The following ATP6V0D2 variants were observed in gnomAD, a reference collection of about 807,000 sequenced individuals.
The protein encoded by ATP6V0D2 is ATPase H+ transporting V0 subunit d2.
A neutral mutation model predicts 40.0 loss-of-function variants in ATP6V0D2; 40 were observed. The observed-to-expected ratio is 1.00, with a 90% CI of 0.78 to 1.30. ATP6V0D2 has a LOEUF of 1.30. ATP6V0D2 is among the 50% of genes most tolerant of loss of function. The pLI is 0.00. For synonymous variants in ATP6V0D2, 179 were observed against 156.3 expected (o/e 1.15, Z -1.08); for missense variants, 470 against 423.1 (o/e 1.11, Z -0.97).
At chr8:86,121,607 G>GGAGGAGGAGGAGGAT (rs1485724210) in intron 2 of ATP6V0D2, among the ~76,000 whole-genome samples, 1 of 105,526 alleles carries the variant, frequency 9.5e-6, no homozygotes, top group African/African-American at 3.0e-5. Context: ...AGGAGGAGGA[G>GGAGGAGGAGGAGGAT]GAGGAGGAGG....
chr8:86,132,216 A>C (rs2626321), intron 2 of ATP6V0D2, among the ~76,000 whole-genome samples: 129,161 of 152,058 alleles, frequency 0.85, 54,998 homozygotes, highest in Middle Eastern at 0.88. Flanking sequence ...TTAATTGATA[A>C]ATAACATTTT....
intron 2 of ATP6V0D2, among the ~76,000 whole-genome samples, chr8:86,129,994 A>AAAG (rs1818800167): frequency 6.6e-6 from 1 of 150,916 alleles, no homozygotes; most frequent in Non-Finnish European, 1.5e-5. Context: ...AAAAAAAAAA[A>AAAG]AAAAGAAAAG....
At chr8:86,121,120 G>A (rs10098503) in intron 2 of ATP6V0D2, among the ~76,000 whole-genome samples, 4,128 of 152,218 alleles carry the variant, frequency 0.027, 184 homozygotes, top group African/African-American at 0.093. Flanking sequence ...TATACAGATA[G>A]CATTATCTCC....
chr8:86,120,608 CCA>C (rs1294762979), intron 2 of ATP6V0D2, among the ~76,000 whole-genome samples: 1 of 151,962 alleles, frequency 6.6e-6, no homozygotes, highest in Admixed American at 6.6e-5. Flanking sequence ...CTTCCATTAG[CCA>C]CAGTCTCCAA....
At chr8:86,123,395 C>T (rs1818698357) in intron 2 of ATP6V0D2, among the ~76,000 whole-genome samples, 1 of 152,016 alleles carries the variant, frequency 6.6e-6, no homozygotes. Context: ...TTTTTAACTC[C>T]TGCTTCGCAA....
At chr8:86,109,252 G>C (rs1244930192) in intron 1 of ATP6V0D2, among the ~76,000 whole-genome samples, 1 of 152,128 alleles carries the variant, frequency 6.6e-6, no homozygotes, top group Admixed American at 6.5e-5. Context: ...TTACCATAAA[G>C]TCTTATTACT....
intron 2 of ATP6V0D2, among the ~76,000 whole-genome samples, chr8:86,135,463 A>G (rs1418475793): frequency 1.3e-5 from 2 of 152,186 alleles, no homozygotes; most frequent in Admixed American, 1.3e-4. Flanking sequence ...TTAGGGACCC[A>G]ACTCTGCTGC....
rs191566080 is a variant in ATP6V0D2 at position 86,102,864 on chromosome 8, A to C, written c.130+3756A>C. Among the ~76,000 whole-genome samples the C allele has an allele frequency of 8.4e-3, 1,281 of 152,308 alleles. 14 individuals carry two copies. Among genetic ancestry groups the C allele is most frequent in the Non-Finnish European group, 0.012 (809 of 68,032 alleles). ...TGCTTTAAAGTTGTATCTATAAAGA[A>C]ATTTTAGGGTCTTTAAAAGTGACTT... is the stretch of plus-strand genomic sequence containing the variant. On this transcript the variant is annotated intron_variant, in intron 1 of 7. Transcript: ENST00000285393.
intron 4 of ATP6V0D2, among the ~76,000 whole-genome samples, chr8:86,142,074 T>G (rs985536742): frequency 1.3e-5 from 2 of 152,208 alleles, no homozygotes; most frequent in African/African-American, 4.8e-5. Context: ...GTATATACTT[T>G]AGGCTGAGCA....
chr8:86,100,360 C>T (rs1818379977), intron 1 of ATP6V0D2, among the ~76,000 whole-genome samples: 1 of 152,092 alleles, frequency 6.6e-6, no homozygotes, highest in Admixed American at 6.5e-5. Context: ...CCAGATTATT[C>T]TAGAAAAGGC....
At chr8:86,109,711 T>C (rs140520889) in intron 1 of ATP6V0D2, among the ~76,000 whole-genome samples, 2 of 152,316 alleles carry the variant, frequency 1.3e-5, no homozygotes, top group African/African-American at 4.8e-5. Context: ...AAATCTGAAA[T>C]GCCAAAATGA....
At chr8:86,146,477 C>A (rs2129641071) in intron 5 of ATP6V0D2, among the ~76,000 whole-genome samples, 1 of 152,232 alleles carries the variant, frequency 6.6e-6, no homozygotes, top group Non-Finnish European at 1.5e-5. Context: ...AGAAGAATCG[C>A]TTGAAGCCAG....
Position 86,139,571 on chromosome 8 carries a change from A to T in ATP6V0D2, c.417A>T (p.Glu139Asp). 1 of 1,613,748 alleles carries T rather than the reference A, an allele frequency of 6.2e-7. No individual in the cohort carries two copies. Among genetic ancestry groups the T allele is most frequent in the Non-Finnish European group, 8.5e-7 (1 of 1,179,838 alleles). The change falls in exon 3 of 8, where the codon GAA becomes GAT. Residue 139 changes from glutamate to aspartate, a missense_variant. Physicochemically the swap from Glu to Asp is conservative, Grantham distance 45 (BLOSUM62 2). Coordinates refer to ENST00000285393, the MANE Select transcript of ATP6V0D2 (RefSeq NM_152565.1). ...CCTTGGGCCGTTTCACAGAAATGGA[A>T]GCTGTCAACATTGCAGAGACACCTT... ...CHPLGRFTEM[E>D]AVNIAETPSD...
At chr8:86,125,692 A>G (rs532537738) in intron 2 of ATP6V0D2, among the ~76,000 whole-genome samples, 4 of 152,174 alleles carry the variant, frequency 2.6e-5, no homozygotes, top group Non-Finnish European at 4.4e-5. Flanking sequence ...ACTTTCATGC[A>G]TATCTTTCTA....
chr8:86,121,044 G>A (rs575264236), intron 2 of ATP6V0D2, among the ~76,000 whole-genome samples: 1 of 152,200 alleles, frequency 6.6e-6, no homozygotes, highest in South Asian at 2.1e-4. Flanking sequence ...TAATCAGGGG[G>A]CCTCAGATTG....
intron 6 of ATP6V0D2, 91 bp from the exon 7 acceptor site, chr8:86,151,368 TAAATAGG>T: frequency 1.1e-6 from 1 of 874,212 alleles, no homozygotes; most frequent in Admixed American, 3.4e-5. Flanking sequence ...TATTTTTTTT[TAAATAGG>T]TACACAATTT....
chr8:86,149,077 C>CAAAAAAAAG, intron 5 of ATP6V0D2, among the ~76,000 whole-genome samples: 1 of 35,776 alleles, frequency 2.8e-5, no homozygotes, highest in Non-Finnish European at 5.9e-5. Flanking sequence ...AAAAAAAAAC[C>CAAAAAAAAG]AATGAACAAG....
intron 1 of ATP6V0D2, among the ~76,000 whole-genome samples, chr8:86,101,462 G>GA (rs59915079): frequency 0.027 from 2,106 of 77,536 alleles, 29 homozygotes; most frequent in African/African-American, 0.043. Flanking sequence ...CCTGTCTCAG[G>GA]AAAAAAAAAA....
intron 1 of ATP6V0D2, among the ~76,000 whole-genome samples, chr8:86,107,936 G>A (rs561724438): frequency 4.1e-4 from 63 of 152,044 alleles, no homozygotes; most frequent in Non-Finnish European, 7.5e-4. Context: ...TACATCTTCC[G>A]GTGTATTTAT....
Sources: gnomAD v4.1 joint callset for allele counts (sites outside exome capture counted in the v4.1 genomes callset) on GRCh38, gnomAD v4.1.1 for gene constraint, MANE v1.5 for transcripts, NCBI Gene and HGNC (gene_info 2026-07-23, HGNC 2026-07-21) for gene names.